The following CPA6 variants were observed in gnomAD, a reference collection of about 807,000 sequenced individuals.
The protein encoded by CPA6 is carboxypeptidase A6, also known as carboxypeptidase B.
Under a neutral mutation model 63.3 loss-of-function variants are expected in CPA6, and 58 were observed. That is an observed-to-expected ratio of 0.92 (90% CI 0.74 to 1.14). The LOEUF is 1.14. Ranked by LOEUF, CPA6 falls within the 50% of genes most tolerant of loss-of-function variation. CPA6 has a pLI of 0.00. For synonymous variants in CPA6, 185 were observed against 179.0 expected (o/e 1.03, Z -0.27); for missense variants, 565 against 526.6 (o/e 1.07, Z -0.71).
At chr8:67,642,702 C>T (rs192065334) in intron 1 of CPA6, among the ~76,000 whole-genome samples, 18 of 151,886 alleles carry the variant, frequency 1.2e-4, no homozygotes, top group Admixed American at 7.2e-4. Context: ...GGTAGTATGG[C>T]AGATCAGCAG....
intron 2 of CPA6, among the ~76,000 whole-genome samples, chr8:67,590,004 G>A (rs1211402893): frequency 6.6e-6 from 1 of 151,386 alleles, no homozygotes; most frequent in Non-Finnish European, 1.5e-5. Flanking sequence ...TCATCATTTA[G>A]CATTAGGTAT....
chr8:67,443,483 T>A (rs1810340961), intron 8 of CPA6, among the ~76,000 whole-genome samples: 1 of 152,208 alleles, frequency 6.6e-6, no homozygotes, highest in Admixed American at 6.5e-5. Context: ...ACCATAACTG[T>A]GAAGTTTTTT....
chr8:67,547,231 A>T (rs1812836891), intron 2 of CPA6, among the ~76,000 whole-genome samples: 1 of 152,162 alleles, frequency 6.6e-6, no homozygotes, highest in African/African-American at 2.4e-5. Context: ...TATTTTTAGT[A>T]GATACAGGGT....
intron 2 of CPA6, among the ~76,000 whole-genome samples, chr8:67,585,488 G>C (rs1038982884): frequency 7.2e-5 from 11 of 152,052 alleles, no homozygotes; most frequent in African/African-American, 2.4e-4. Flanking sequence ...CATGTTGTTA[G>C]ACATGGGGGC....
chr8:67,539,369 C>G (rs762816326), intron 2 of CPA6, among the ~76,000 whole-genome samples: 1 of 152,204 alleles, frequency 6.6e-6, no homozygotes, highest in Non-Finnish European at 1.5e-5. Flanking sequence ...GACATCCGCT[C>G]TTAGTCTGAT....
intron 2 of CPA6, among the ~76,000 whole-genome samples, chr8:67,577,896 T>C (rs1485937052): frequency 6.6e-6 from 1 of 152,168 alleles, no homozygotes; most frequent in African/African-American, 2.4e-5. Context: ...AGTCTACGAA[T>C]TGTCTACCCA....
At chr8:67,618,023 T>C (rs1324821387) in intron 2 of CPA6, among the ~76,000 whole-genome samples, 1 of 152,198 alleles carries the variant, frequency 6.6e-6, no homozygotes, top group Non-Finnish European at 1.5e-5. Context: ...CTTGATTAGA[T>C]CAGACCCACC....
chr8:67,589,438 G>A (rs1234055474), intron 2 of CPA6, among the ~76,000 whole-genome samples: 1 of 152,176 alleles, frequency 6.6e-6, no homozygotes, highest in African/African-American at 2.4e-5. Context: ...AGAGCAAAAT[G>A]TTTGTTTACA....
At chr8:67,554,506 A>G (rs1346814993) in intron 2 of CPA6, among the ~76,000 whole-genome samples, 1 of 152,190 alleles carries the variant, frequency 6.6e-6, no homozygotes, top group Non-Finnish European at 1.5e-5. Context: ...AATACTGGGG[A>G]TTAAAATTCA....
At chr8:67,442,995 C>A (rs1231613320) in intron 8 of CPA6, among the ~76,000 whole-genome samples, 3 of 152,112 alleles carry the variant, frequency 2.0e-5, no homozygotes, top group Non-Finnish European at 4.4e-5. Flanking sequence ...TCTTCCAGCC[C>A]CATCCTTCTT....
chr8:67,617,701 G>A (rs35258707), intron 2 of CPA6, among the ~76,000 whole-genome samples: 1,918 of 152,360 alleles, frequency 0.013, 14 homozygotes, highest in Middle Eastern at 0.02. Flanking sequence ...TAGGTCAGAA[G>A]TCTGGGCATG....
At chr8:67,520,859 T>C (rs1191580090) in intron 2 of CPA6, among the ~76,000 whole-genome samples, 1 of 152,218 alleles carries the variant, frequency 6.6e-6, no homozygotes, top group Non-Finnish European at 1.5e-5. Context: ...ATAAGCATCT[T>C]CCAACTTCCT....
chr8:67,720,734 C>T (rs186240710), intron 1 of CPA6, among the ~76,000 whole-genome samples: 3 of 152,304 alleles, frequency 2.0e-5, no homozygotes, highest in African/African-American at 7.2e-5. Flanking sequence ...ATTGTGTACC[C>T]TGAACCTTGA....
intron 1 of CPA6, among the ~76,000 whole-genome samples, chr8:67,651,461 A>AT (rs1416508034): frequency 6.6e-6 from 1 of 151,888 alleles, no homozygotes; most frequent in Non-Finnish European, 1.5e-5. Flanking sequence ...TTATTTATTT[A>AT]TTTTTTAATG....
At chr8:67,652,786 T>C (rs1365100823) in intron 1 of CPA6, among the ~76,000 whole-genome samples, 1 of 152,102 alleles carries the variant, frequency 6.6e-6, no homozygotes, top group Non-Finnish European at 1.5e-5. Flanking sequence ...GCCATTGCTT[T>C]TGGTATTTTA....
intron 2 of CPA6, among the ~76,000 whole-genome samples, chr8:67,563,433 A>G (rs1813261757): frequency 6.6e-6 from 1 of 152,188 alleles, no homozygotes; most frequent in African/African-American, 2.4e-5. Flanking sequence ...GTAACAACTT[A>G]GGAAGGTTAG....
chr8:67,642,794 C>CACACACACACAT (rs1491526187), intron 1 of CPA6, among the ~76,000 whole-genome samples: 1 of 52,272 alleles, frequency 1.9e-5, no homozygotes, highest in African/African-American at 1.4e-4. Flanking sequence ...GCCTTTATCT[C>CACACACACACAT]ACACACACAC....
chr8:67,504,901 G>C (rs1278421330), intron 6 of CPA6, among the ~76,000 whole-genome samples: 1 of 152,128 alleles, frequency 6.6e-6, no homozygotes, highest in Non-Finnish European at 1.5e-5. Flanking sequence ...GGAGGGAGGA[G>C]GATGGAGAGG....
chr8:67,565,166 C>CT (rs374295217), intron 2 of CPA6, among the ~76,000 whole-genome samples: 2,112 of 115,754 alleles, frequency 0.018, 28 homozygotes, highest in Non-Finnish European at 0.033. Context: ...TTTTCTTTTT[C>CT]TTTCTTTTTT....
Sources: gnomAD v4.1 joint callset for allele counts (sites outside exome capture counted in the v4.1 genomes callset) on GRCh38, gnomAD v4.1.1 for gene constraint, MANE v1.5 for transcripts, NCBI Gene and HGNC (gene_info 2026-07-23, HGNC 2026-07-21) for gene names.